The following PARD3B variants were observed in gnomAD, a reference collection of about 807,000 sequenced individuals.
The protein encoded by PARD3B is par-3 family cell polarity regulator beta.
Under a neutral mutation model 130.2 loss-of-function variants are expected in PARD3B, and 103 were observed. The observed-to-expected ratio is 0.79, with a 90% CI of 0.67 to 0.93. PARD3B has a LOEUF of 0.93. Ranked by LOEUF, PARD3B falls within the 40% of genes least tolerant of loss-of-function variation. PARD3B has a pLI of 0.00. For synonymous variants in PARD3B, 583 were observed against 553.2 expected (o/e 1.05, Z -0.76); for missense variants, 1,609 against 1,499.2 (o/e 1.07, Z -1.21).
At chr2:205,518,605 G>C (rs947219132) in intron 21 of PARD3B, among the ~76,000 whole-genome samples, 1 of 152,084 alleles carries the variant, frequency 6.6e-6, no homozygotes, top group African/African-American at 2.4e-5. Flanking sequence ...GATATGTGTG[G>C]ATTTGATCCT....
At chr2:204,892,208 A>G (rs538786225) in intron 2 of PARD3B, among the ~76,000 whole-genome samples, 8 of 152,298 alleles carry the variant, frequency 5.3e-5, no homozygotes, top group African/African-American at 1.7e-4. Context: ...TGTGAAAGCC[A>G]TAGTCTGGAG....
intron 1 of PARD3B, among the ~76,000 whole-genome samples, chr2:204,605,480 A>G (rs1269146567): frequency 6.6e-6 from 1 of 152,174 alleles, no homozygotes; most frequent in Non-Finnish European, 1.5e-5. Flanking sequence ...TATATATGGC[A>G]CAAGTAATCT....
intron 18 of PARD3B, among the ~76,000 whole-genome samples, chr2:205,347,385 G>A (rs1307822601): frequency 1.3e-5 from 2 of 152,142 alleles, no homozygotes; most frequent in Non-Finnish European, 2.9e-5. Flanking sequence ...CCTGAATTAA[G>A]TATAACCTGT....
At chr2:205,278,805 C>A (rs1267455065) in intron 16 of PARD3B, among the ~76,000 whole-genome samples, 1 of 152,056 alleles carries the variant, frequency 6.6e-6, no homozygotes, top group Non-Finnish European at 1.5e-5. Flanking sequence ...CGCTGTGGCT[C>A]ACACGTGTAA....
chr2:204,551,759 A>G (rs2030479765), intron 1 of PARD3B, among the ~76,000 whole-genome samples: 1 of 152,166 alleles, frequency 6.6e-6, no homozygotes, highest in African/African-American at 2.4e-5. Context: ...TTCCCAGGGT[A>G]TTCTGTGCTA....
Position 205,104,455 on chromosome 2 carries a change from A to G in PARD3B, c.534A>G (p.Glu178=). ...PDSTQNLEDR[E]VLNGVQTELL... ...CCACGCAGAACTTGGAAGACAGAGAAGTTTTGAATGGTGTACAGACAGAAC... is the reference window on the plus strand; with the variant it reads ...CCACGCAGAACTTGGAAGACAGAGAGGTTTTGAATGGTGTACAGACAGAAC... The change falls in exon 5 of 23, where the codon GAA becomes GAG. Residue 178 remains glutamate (E), a synonymous_variant. Transcript: ENST00000406610. 6.2e-7 allele frequency: 1 copy of G among 1,603,344 alleles called. No individual in the cohort carries two copies. The highest frequency in any genetic ancestry group is 8.5e-7 in the Non-Finnish European group (1 of 1,170,326).
chr2:205,346,186 A>G (rs1447164514), intron 18 of PARD3B, among the ~76,000 whole-genome samples: 1 of 147,192 alleles, frequency 6.8e-6, no homozygotes, highest in African/African-American at 2.5e-5. Context: ...TAAATAAATA[A>G]ATAAATAAAT....
rs1297241752 is a variant in PARD3B at position 205,122,188 on chromosome 2, G to A, written c.1165+239G>A. On this transcript the variant is annotated intron_variant, in intron 8 of 22. Coordinates refer to ENST00000406610, the MANE Select transcript of PARD3B (RefSeq NM_001302769.2). This position sits in a 1 kb window ranked among gnomAD's most constrained non-coding sequence, Gnocchi z 4.3. ...ATAAAGACATGTTGGGAAGTGGAAA[G>A]AATCATTGCAAACCTGATATCAACA... Among the ~76,000 whole-genome samples the A allele has an allele frequency of 2.0e-5, 3 of 152,110 alleles. No homozygotes were observed. Among genetic ancestry groups the A allele is most frequent in the Non-Finnish European group, 4.4e-5 (3 of 68,018 alleles).
chr2:204,632,386 G>C (rs2034709972), intron 1 of PARD3B, among the ~76,000 whole-genome samples: 1 of 152,180 alleles, frequency 6.6e-6, no homozygotes, highest in South Asian at 2.1e-4. Flanking sequence ...CTGGCTTTTT[G>C]AGTTTTCAGT....
intron 13 of PARD3B, among the ~76,000 whole-genome samples, chr2:205,184,082 G>A (rs1311993347): frequency 2.0e-5 from 3 of 152,064 alleles, no homozygotes; most frequent in Non-Finnish European, 4.4e-5. Flanking sequence ...TTCTATTCAT[G>A]CCTTCACGTG....
intron 1 of PARD3B, among the ~76,000 whole-genome samples, chr2:204,661,443 AG>A (rs964738776): frequency 7.9e-5 from 12 of 152,142 alleles, no homozygotes; most frequent in African/African-American, 2.4e-4. Flanking sequence ...TATCTAAACA[AG>A]ACATTTAATA....
rs965318465 is a variant in PARD3B at position 205,230,940 on chromosome 2, T to C, written c.2141-14838T>C. 2.6e-5 allele frequency among the ~76,000 whole-genome samples: 4 copies of C among 152,000 alleles called. No homozygotes were observed. ...AAGCACTGAGTTCCAGTGCAAAGTC[T>C]CCAATCACTATGCTCTCCCTCCCCA... On this transcript the variant is annotated intron_variant, in intron 15 of 22. Coordinates refer to ENST00000406610, the MANE Select transcript of PARD3B (RefSeq NM_001302769.2). This position sits in a 1 kb window ranked among gnomAD's most constrained non-coding sequence, Gnocchi z 4.1.
At chr2:205,130,232 G>C (rs186481811) in intron 10 of PARD3B, among the ~76,000 whole-genome samples, 3 of 152,234 alleles carry the variant, frequency 2.0e-5, no homozygotes, top group African/African-American at 7.2e-5. Context: ...GATTAGTTTT[G>C]GTAATAGATT....
intron 11 of PARD3B, among the ~76,000 whole-genome samples, chr2:205,170,026 G>T (rs924525905): frequency 6.6e-6 from 1 of 151,256 alleles, no homozygotes; most frequent in Non-Finnish European, 1.5e-5. Flanking sequence ...CGCCTCCTCG[G>T]TTCAAGCGAT....
chr2:204,561,594 ATTTTTTTT>A (rs549784375), intron 1 of PARD3B, among the ~76,000 whole-genome samples: 1 of 124,992 alleles, frequency 8.0e-6, no homozygotes, highest in Non-Finnish European at 1.7e-5. Context: ...TCTCCCTTGT[ATTTTTTTT>A]TTTTTTTTTT....
intron 2 of PARD3B, among the ~76,000 whole-genome samples, chr2:204,734,784 G>T (rs956879649): frequency 2.6e-5 from 4 of 152,048 alleles, no homozygotes; most frequent in Admixed American, 1.3e-4. Context: ...GGAAATTTTG[G>T]GTAGTGGAAG....
chr2:204,948,641 C>A (rs931680818), intron 2 of PARD3B, among the ~76,000 whole-genome samples: 4 of 152,284 alleles, frequency 2.6e-5, no homozygotes, highest in African/African-American at 7.2e-5. Flanking sequence ...TCCAGTTCCC[C>A]AGTATTTATC....
chr2:205,486,602 G>A (rs2049452109), intron 20 of PARD3B, among the ~76,000 whole-genome samples: 1 of 152,184 alleles, frequency 6.6e-6, no homozygotes, highest in African/African-American at 2.4e-5. Context: ...GGAAGGCAAA[G>A]GGGAAGCAGG....
chr2:205,593,659 GTAAAT>G (rs1309676941), intron 22 of PARD3B, among the ~76,000 whole-genome samples: 2 of 152,286 alleles, frequency 1.3e-5, no homozygotes, highest in African/African-American at 4.8e-5. Flanking sequence ...GAACAAGGAG[GTAAAT>G]TAGAGTCCCC....
Sources: allele counts gnomAD v4.1 joint callset (sites outside exome capture counted in the v4.1 genomes callset), GRCh38; gene constraint gnomAD v4.1.1; non-coding constraint Gnocchi (gnomAD v3.1); transcripts MANE v1.5; gene names NCBI Gene and HGNC (gene_info 2026-07-23, HGNC 2026-07-21).